The following JPH1 variants were observed in gnomAD, a reference collection of about 807,000 sequenced individuals.
JPH1 encodes the protein junctophilin-1.
A neutral mutation model predicts 53.6 loss-of-function variants in JPH1; 12 were observed. The observed-to-expected ratio is 0.22, with a 90% CI of 0.14 to 0.36. The LOEUF (loss-of-function observed/expected upper bound fraction) is 0.36, where lower values mean the gene tolerates loss of function less well. Ranked by LOEUF, JPH1 falls within the 10% of genes least tolerant of loss-of-function variation. The probability of loss-of-function intolerance (pLI) is 1.00; values close to 1 mark genes in which losing one functional copy is unlikely to be tolerated. For missense variants in JPH1, 808 were observed against 905.5 expected, an observed-to-expected ratio of 0.89 and a Z score of 1.38; for synonymous variants, 375 against 363.8, an observed-to-expected ratio of 1.03 and a Z score of -0.35.
At chr8:74,297,366 A>T (rs1807550841) in intron 2 of JPH1, among the ~76,000 whole-genome samples, 1 of 152,236 alleles carries the variant, frequency 6.6e-6, no homozygotes, top group Non-Finnish European at 1.5e-5. Flanking sequence ...CAAACAGAGT[A>T]AACATGTGAC....
At chr8:74,276,593 G>A (rs1353026610) in intron 2 of JPH1, among the ~76,000 whole-genome samples, 2 of 152,178 alleles carry the variant, frequency 1.3e-5, no homozygotes, top group African/African-American at 4.8e-5. Context: ...TATATGCCAG[G>A]TTTAACTAGC....
chr8:74,237,264 T>C lies in JPH1; in HGVS notation c.1945A>G (p.Asn649Asp). ...ACAAAAAGAATGGCCAACCCGATAT[T>C]CAACAGCATGACAAGGACAATCATG... is the stretch of plus-strand genomic sequence containing the variant. ...SIMIVLVMLL[N>D]IGLAILFVHF... The change falls in exon 5 of 6, where the codon AAT becomes GAT. Residue 649 changes from asparagine to aspartate, a missense_variant. Coordinates refer to ENST00000342232, the MANE Select transcript of JPH1 (RefSeq NM_020647.4). 1 of 1,613,544 alleles carries C rather than the reference T, an allele frequency of 6.2e-7. No individual in the cohort carries two copies. The highest frequency in any genetic ancestry group is 8.5e-7 in the Non-Finnish European group (1 of 1,179,780).
In JPH1 at chr8:74,296,843, T is replaced by C. The variant is rs368435775; in HGVS notation, c.1139+18018A>G. ...TTATTAAATCAAGCTAATAAATATATCCAAGAAATCCCTTCTTAACCTCCA... is the reference window on the plus strand; with the variant it reads ...TTATTAAATCAAGCTAATAAATATACCCAAGAAATCCCTTCTTAACCTCCA... On this transcript the variant is annotated intron_variant, in intron 2 of 5. Coordinates refer to ENST00000342232, the MANE Select transcript of JPH1 (RefSeq NM_020647.4). Among the ~76,000 whole-genome samples, 4 of 152,276 alleles carry C rather than the reference T, an allele frequency of 2.6e-5. No homozygotes were observed. The East Asian group carries it at 5.8e-4, about 22-fold the overall frequency.
At chr8:74,246,656 C>A (rs376811620) in intron 3 of JPH1, among the ~76,000 whole-genome samples, 6 of 152,078 alleles carry the variant, frequency 3.9e-5, no homozygotes, top group African/African-American at 1.4e-4. Flanking sequence ...TAATGCAACA[C>A]ATAATATTTT....
chr8:74,295,294 T>A (rs1245148873), intron 2 of JPH1, among the ~76,000 whole-genome samples: 1 of 151,998 alleles, frequency 6.6e-6, no homozygotes, highest in Non-Finnish European at 1.5e-5. Flanking sequence ...TGTGACTATA[T>A]GTGTGTGTGT....
rs1421402108 is a variant in JPH1 at position 74,245,943 on chromosome 8, T to C, written c.1259-768A>G. Reference sequence around the variant, plus strand: ...AAAAAAAAAAAAAAAGTGGCCCTGCTGCATTGTTATTTTACAGGGAGTGAG... The same window carrying C: ...AAAAAAAAAAAAAAAGTGGCCCTGCCGCATTGTTATTTTACAGGGAGTGAG... On this transcript the variant is annotated intron_variant, in intron 3 of 5. Transcript: ENST00000342232. Among the ~76,000 whole-genome samples the C allele has an allele frequency of 5.4e-5, 8 of 148,040 alleles. No individual in the cohort carries two copies. The Admixed American group carries it at 5.4e-4, about 10-fold the overall frequency.
intron 2 of JPH1, among the ~76,000 whole-genome samples, chr8:74,293,406 C>T (rs1481493238): frequency 6.6e-6 from 1 of 152,162 alleles, no homozygotes; most frequent in East Asian, 1.9e-4. Context: ...ATTCATTAAG[C>T]ACTCATTCTA....
intron 2 of JPH1, among the ~76,000 whole-genome samples, chr8:74,302,759 C>T (rs993033685): frequency 2.6e-5 from 4 of 152,104 alleles, no homozygotes; most frequent in African/African-American, 9.7e-5. Context: ...ATAGCACCTG[C>T]CAGTTGCACA....
intron 4 of JPH1, among the ~76,000 whole-genome samples, chr8:74,241,930 A>G (rs2131374874): frequency 6.6e-6 from 1 of 152,316 alleles, no homozygotes; most frequent in South Asian, 2.1e-4. Flanking sequence ...GACGCTAAAG[A>G]TGCCTCTTCT....
intron 2 of JPH1, among the ~76,000 whole-genome samples, chr8:74,305,058 C>T (rs1178970950): frequency 6.6e-6 from 1 of 152,248 alleles, no homozygotes; most frequent in Non-Finnish European, 1.5e-5. Flanking sequence ...TCTCAAGAGA[C>T]TGTTGTACTA....
intron 2 of JPH1, among the ~76,000 whole-genome samples, chr8:74,285,433 A>G (rs1451458868): frequency 6.6e-6 from 1 of 152,168 alleles, no homozygotes; most frequent in Non-Finnish European, 1.5e-5. Flanking sequence ...AATGAAATCC[A>G]ATATATAGTA....
intron 2 of JPH1, among the ~76,000 whole-genome samples, chr8:74,300,507 A>G (rs910219180): frequency 6.6e-6 from 1 of 152,214 alleles, no homozygotes; most frequent in African/African-American, 2.4e-5. Context: ...ATAAACAAGA[A>G]TAACTGGTAA....
chr8:74,315,449 TCGGCGG>T lies in JPH1; in HGVS notation c.545_550del (p.Ala182_Ala183del). On this transcript the variant is annotated inframe_deletion, in exon 2 of 6. Transcript: ENST00000342232. The surrounding 1 kb of genome is among the most constrained non-coding windows in gnomAD (Gnocchi z 6.3). Reference sequence around the variant, plus strand: ...ACCGCCGCGGGTGCCGGCCGGGCTGTCGGCGGCGGCTGCGGCGTCGTGGAGCACGCT... The same window carrying T: ...ACCGCCGCGGGTGCCGGCCGGGCTGTCGGCTGCGGCGTCGTGGAGCACGCT... The T allele has an allele frequency of 1.2e-6, 2 of 1,609,534 alleles. No individual in the cohort carries two copies. The highest frequency in any genetic ancestry group is 1.7e-6 in the Non-Finnish European group (2 of 1,178,424).
chr8:74,315,616 G>A lies in JPH1; in HGVS notation c.384C>T (p.Thr128=), dbSNP rs1439962717. 6.3e-7 allele frequency: 1 copy of A among 1,598,106 alleles called. No individual in the cohort carries two copies. Among genetic ancestry groups the A allele is most frequent in the Admixed American group, 1.7e-5 (1 of 58,862 alleles). Residue 128 remains threonine, a synonymous_variant, in exon 2 of 6, where the codon ACC becomes ACT. Coordinates refer to ENST00000342232, the MANE Select transcript of JPH1 (RefSeq NM_020647.4). The surrounding 1 kb of genome is among the most constrained non-coding windows in gnomAD (Gnocchi z 6.3). ...TGCCTCCGGCCCACTGGCCCTGGTA[G>A]GTACCTTGGAGAGACCGCAAGAAAG... ...YGVETYGDGG[T]YQGQWAGGMR...
intron 2 of JPH1, among the ~76,000 whole-genome samples, chr8:74,312,779 G>C (rs1035431750): frequency 6.6e-6 from 1 of 152,088 alleles, no homozygotes; most frequent in African/African-American, 2.4e-5. Context: ...GATTAAGTGA[G>C]ATCATGCAGT....
intron 2 of JPH1, among the ~76,000 whole-genome samples, chr8:74,313,052 G>A (rs1432457228): frequency 6.6e-6 from 1 of 152,108 alleles, no homozygotes; most frequent in Non-Finnish European, 1.5e-5. Context: ...ATTGCCAGTC[G>A]CTTTCTGTTA....
rs572362262 is a variant in JPH1, at chr8:74,249,688, G to A, written c.1259-4513C>T. On this transcript the variant is annotated intron_variant, in intron 3 of 5. Transcript: ENST00000342232. ...TTTATTCATAATTTTGGGTTTGGAA[G>A]GTGAGCTTAGAAGTCATCTATTCCA... Among the ~76,000 whole-genome samples, 77 of 152,300 alleles carry A rather than the reference G, an allele frequency of 5.1e-4. No individual in the cohort carries two copies. The South Asian group carries it at 0.015, about 30-fold the overall frequency.
chr8:74,277,633 G>T (rs1348018813), intron 2 of JPH1, among the ~76,000 whole-genome samples: 1 of 152,196 alleles, frequency 6.6e-6, no homozygotes, highest in South Asian at 2.1e-4. Context: ...GTAACCCAGG[G>T]TAAGTTACTT....
At position 74,245,125 on chromosome 8, in the gene JPH1, T is replaced by C. The variant is rs1247816834; in HGVS notation, c.1309A>G (p.Asn437Asp). The change falls in exon 4 of 6, where the codon AAT (asparagine) becomes GAT (aspartate). Residue 437 changes from asparagine (N) to aspartate (D), a missense_variant. Asn to Asp is a conservative substitution (Grantham distance 23, BLOSUM62 1). This residue lies in a region of JPH1 where 756 missense variants were observed against 811.9 expected (regional missense o/e 0.93). Transcript: ENST00000342232. ...TTTTCTGGTACCTTTTCTTCTGGATTTTCTTTAGCATCTACACCTTCCTGA... is the reference window on the plus strand; with the variant it reads ...TTTTCTGGTACCTTTTCTTCTGGATCTTCTTTAGCATCTACACCTTCCTGA... ...RFQEGVDAKE[N>D]PEEKVPEKPP... 6.2e-7 allele frequency: 1 copy of C among 1,612,174 alleles called. No individual in the cohort carries two copies. Among genetic ancestry groups the C allele is most frequent in the Non-Finnish European group, 8.5e-7 (1 of 1,179,554 alleles).
Sources: allele counts gnomAD v4.1 joint callset (sites outside exome capture counted in the v4.1 genomes callset), GRCh38; gene constraint gnomAD v4.1.1; regional missense constraint gnomAD v4.1.1; non-coding constraint Gnocchi (gnomAD v3.1); transcripts MANE v1.5; gene names NCBI Gene and HGNC (gene_info 2026-07-23, HGNC 2026-07-21).